CEP135: variants seen among roughly 807,000 people sequenced by gnomAD.
The protein encoded by CEP135 is centrosomal protein of 135 kDa.
In CEP135, 142 loss-of-function variants were observed where a neutral mutation model predicts 157.3. The ratio of observed to expected loss-of-function variants is 0.90; its 90% confidence interval spans 0.79 to 1.04. CEP135 has a LOEUF of 1.04. CEP135 is among the 50% of genes least tolerant of loss of function. The pLI, the probability that CEP135 is intolerant of heterozygous loss-of-function variation, is 0.00. For missense variants in CEP135, 1,317 were observed against 1,309.2 expected, an observed-to-expected ratio of 1.01 and a Z score of -0.09; for synonymous variants, 396 against 439.8, an observed-to-expected ratio of 0.90 and a Z score of 1.25.
intron 23 of CEP135, among the ~76,000 whole-genome samples, chr4:56,020,202 C>T (rs1350724001): frequency 6.6e-6 from 1 of 151,996 alleles, no homozygotes; most frequent in Admixed American, 6.6e-5. Flanking sequence ...TCTAAAAAGG[C>T]TATGAGATTT....
Position 56,011,848 on chromosome 4 carries a change from C to T in CEP135, c.2665C>T (p.Arg889Cys), listed in dbSNP as rs763318728. Residue 889 changes from arginine (R) to cysteine (C), a missense_variant, in exon 21 of 26, where the codon CGT becomes TGT. Transcript: ENST00000257287. ...LLDRFQMLHN[R>C]AEDWEVKAHQ... ...AGATAGATTTCAGATGCTTCATAACCGTGCTGAAGACTGGGAGGTCAAAGC... is the reference window on the plus strand; with the variant it reads ...AGATAGATTTCAGATGCTTCATAACTGTGCTGAAGACTGGGAGGTCAAAGC... 22 of 1,599,140 alleles carry T rather than the reference C, an allele frequency of 1.4e-5. No individual in the cohort carries two copies. Among genetic ancestry groups the T allele is most frequent in the Admixed American group, 1.8e-5 (1 of 56,160 alleles).
Position 56,018,249 on chromosome 4 carries a change from G to A in CEP135, c.3012+392G>A, listed in dbSNP as rs139158915. Among the ~76,000 whole-genome samples the A allele has an allele frequency of 5.1e-3, 779 of 152,198 alleles. 7 individuals carry two copies. The highest frequency in any genetic ancestry group is 0.016 in the African/African-American group (667 of 41,528). On this transcript the variant is annotated intron_variant, in intron 22 of 25. Coordinates refer to ENST00000257287, the MANE Select transcript of CEP135 (RefSeq NM_025009.5). ...CCTGCCTTGGCCTCCCAAAGTTCTG[G>A]GATACAGGCATGAGCTACTGCACCC... is the stretch of plus-strand genomic sequence containing the variant.
chr4:55,991,172 T>G (rs1365595004), intron 14 of CEP135, among the ~76,000 whole-genome samples: 1 of 152,096 alleles, frequency 6.6e-6, no homozygotes, highest in African/African-American at 2.4e-5. Flanking sequence ...GGGATGGGGT[T>G]TCACCGTGCT....
At chr4:55,991,473 A>G (rs1163921095) in intron 14 of CEP135, among the ~76,000 whole-genome samples, 8 of 152,070 alleles carry the variant, frequency 5.3e-5, no homozygotes, top group Non-Finnish European at 1.2e-4. Context: ...ATCAAGAAAC[A>G]TTGTGTTGCC....
chr4:56,012,097 G>A, intron 21 of CEP135, 112 bp downstream of exon 21: 1 of 711,648 alleles, frequency 1.4e-6, no homozygotes. Context: ...TGACTCTGTT[G>A]CCCAGGCTGG....
chr4:55,969,033 G>C, intron 8 of CEP135, 30 bp from the exon 9 acceptor site: 1 of 1,540,446 alleles, frequency 6.5e-7, no homozygotes, highest in Non-Finnish European at 8.9e-7. Context: ...AGACTTTTAA[G>C]TATATACCTA....
chr4:55,973,625 T>G (rs1254137893), intron 10 of CEP135, among the ~76,000 whole-genome samples: 2 of 152,190 alleles, frequency 1.3e-5, no homozygotes, highest in African/African-American at 4.8e-5. Flanking sequence ...GTTTTAATCT[T>G]TGTACTGTTT....
At chr4:55,966,440 C>T (rs1728847457) in intron 8 of CEP135, 2 of 152,734 alleles carry the variant, frequency 1.3e-5, no homozygotes, top group Non-Finnish European at 2.9e-5. Context: ...GATCCATCCA[C>T]CTCAGCCTCC....
rs527701247 is a variant in CEP135 at position 55,954,363 on chromosome 4, A to C, written c.452A>C (p.His151Pro). 1 of 1,605,054 alleles carries C rather than the reference A, an allele frequency of 6.2e-7. No homozygotes were observed. Among genetic ancestry groups the C allele is most frequent in the Non-Finnish European group, 8.5e-7 (1 of 1,177,434 alleles). The change falls in exon 4 of 26, where the codon CAT becomes CCT. Residue 151 changes from histidine (H) to proline (P), a missense_variant. By Grantham distance (77) the His-to-Pro change is moderately conservative (BLOSUM62 -2). Transcript: ENST00000257287. ...RIQQLQEKNL[H>P]AVVQTPGGKK... ...CAACAACTTCAAGAAAAGAATTTGC[A>C]TGCTGTAGTACAAACTCCAGGTAAA... is the stretch of plus-strand genomic sequence containing the variant.
At chr4:56,023,147 C>T (rs941678432) in intron 24 of CEP135, among the ~76,000 whole-genome samples, 1 of 151,884 alleles carries the variant, frequency 6.6e-6, no homozygotes, top group African/African-American at 2.4e-5. Flanking sequence ...GCGGGAGGAT[C>T]GCTTGAGCCC....
Position 56,011,958 on chromosome 4 carries a change from G to A in CEP135, c.2775G>A (p.Val925=). Residue 925 remains valine, a synonymous_variant, in exon 21 of 26, where the codon GTG becomes GTA. Transcript: ENST00000257287. ...AGAGGAGACATCTTCGAGAAAGAGT[G>A]GAGCTATTAGAAAAAGAAATTCAAG... ...DTERRHLRER[V]ELLEKEIQEH... 1.3e-6 allele frequency: 2 copies of A among 1,552,244 alleles called. No homozygotes were observed. Among genetic ancestry groups the A allele is most frequent in the Admixed American group, 2.1e-5 (1 of 47,706 alleles).
intron 4 of CEP135, 49 bp from the exon 5 acceptor site, chr4:55,957,174 G>C: frequency 6.3e-7 from 1 of 1,591,478 alleles, no homozygotes; most frequent in South Asian, 1.1e-5. Flanking sequence ...TTAATTCTAA[G>C]ACATGGTTTT....
chr4:55,954,467 A>G, intron 4 of CEP135, 84 bp downstream of exon 4: 1 of 1,232,564 alleles, frequency 8.1e-7, no homozygotes, highest in Non-Finnish European at 1.1e-6. Flanking sequence ...AGGACTTTGG[A>G]TTGGATTTTC....
chr4:55,997,858 T>G lies in CEP135; in HGVS notation c.2010-1444T>G, dbSNP rs542112784. Among the ~76,000 whole-genome samples the G allele has an allele frequency of 2.0e-5, 3 of 152,328 alleles. No homozygotes were observed. In the East Asian group the frequency reaches 5.8e-4, roughly 29 times the overall value. ...TTCTAGCTTTTAGGAATAGTGTGAA[T>G]ACGGTGCAGTCACCTGAACCTGAAC... On this transcript the variant is annotated intron_variant, in intron 15 of 25. Coordinates refer to ENST00000257287, the MANE Select transcript of CEP135 (RefSeq NM_025009.5).
chr4:56,010,862 C>T (rs1343899071), intron 19 of CEP135, among the ~76,000 whole-genome samples: 1 of 152,104 alleles, frequency 6.6e-6, no homozygotes, highest in African/African-American at 2.4e-5. Context: ...CAACCCCTGA[C>T]CATAGCTAGC....
intron 1 of CEP135, among the ~76,000 whole-genome samples, chr4:55,949,276 A>G (rs181905172): frequency 6.7e-5 from 10 of 149,458 alleles, no homozygotes; most frequent in African/African-American, 1.7e-4. Flanking sequence ...ACCCGACGGT[A>G]AAGTTGCAAA....
intron 15 of CEP135, among the ~76,000 whole-genome samples, chr4:55,992,665 C>A (rs1459196934): frequency 2.0e-5 from 3 of 152,152 alleles, no homozygotes; most frequent in Non-Finnish European, 4.4e-5. Context: ...GACCGAGGAT[C>A]TGGACTGAAG....
intron 10 of CEP135, 91 bp downstream of exon 10, chr4:55,971,499 T>G: frequency 8.0e-7 from 1 of 1,249,384 alleles, no homozygotes; most frequent in Admixed American, 2.7e-5. Flanking sequence ...ATTCATTCAT[T>G]CAATAAATAT....
At chr4:55,990,333 G>C (rs904249070) in intron 14 of CEP135, among the ~76,000 whole-genome samples, 4 of 151,928 alleles carry the variant, frequency 2.6e-5, no homozygotes, top group African/African-American at 9.7e-5. Flanking sequence ...AAATATGTGT[G>C]GTCAGTCCAC....
Sources: gnomAD v4.1 joint callset for allele counts (sites outside exome capture counted in the v4.1 genomes callset) on GRCh38, gnomAD v4.1.1 for gene constraint, MANE v1.5 for transcripts, NCBI Gene and HGNC (gene_info 2026-07-23, HGNC 2026-07-21) for gene names.